PARK7: variants seen among roughly 807,000 people sequenced by gnomAD.
PARK7 encodes Parkinson disease protein 7.
PARK7 carries 14 observed loss-of-function variants against 20.5 expected under a neutral mutation model. The observed-to-expected ratio is 0.68, with a 90% CI of 0.45 to 1.07. PARK7 has a LOEUF of 1.07. PARK7 is among the 50% of genes least tolerant of loss of function. The pLI is 0.00. For missense variants in PARK7, 234 were observed against 238.1 expected (o/e 0.98, Z 0.11); for synonymous variants, 98 against 84.3 (o/e 1.16, Z -0.89).
At chr1:7,961,957 G>T (rs1044140369) in intron 1 of PARK7, 164 bp downstream of exon 1, 6 of 152,340 alleles carry the variant, frequency 3.9e-5, no homozygotes, top group African/African-American at 1.4e-4. Context: ...GGGCCCTGTC[G>T]CTGGCGTTGG....
chr1:7,982,618 T>C (rs960982483), intron 6 of PARK7, among the ~76,000 whole-genome samples: 1 of 152,228 alleles, frequency 6.6e-6, no homozygotes, highest in Non-Finnish European at 1.5e-5. Context: ...TACTGTTCAG[T>C]GAACCATTTA....
At chr1:7,975,654 T>C (rs161808) in intron 5 of PARK7, among the ~76,000 whole-genome samples, 9,069 of 152,260 alleles carry the variant, frequency 0.06, 1,406 homozygotes, top group East Asian at 0.57. Context: ...CATCAGTAAA[T>C]TCCTGAATCC....
At chr1:7,966,628 G>T (rs1052367218) in intron 3 of PARK7, among the ~76,000 whole-genome samples, 1 of 152,070 alleles carries the variant, frequency 6.6e-6, no homozygotes, top group South Asian at 2.1e-4. Flanking sequence ...AGCCTAGACG[G>T]TTGCTTGAGC....
Position 7,965,412 on chromosome 1 carries a change from A to C in PARK7, c.179A>C (p.Asp60Ala). 1 of 1,614,178 alleles carries C rather than the reference A, an allele frequency of 6.2e-7. No homozygotes were observed. The highest frequency in any genetic ancestry group is 8.5e-7 in the Non-Finnish European group (1 of 1,180,000). The change falls in exon 3 of 7, where the codon GAT (aspartate) becomes GCT (alanine). Residue 60 changes from aspartate to alanine, a missense_variant. Asp to Ala is a moderately radical substitution (Grantham distance 126, BLOSUM62 -2). Transcript: ENST00000338639. ...VVICPDASLEDAKKEGPYDVV... is the reference protein window; with the variant it reads ...VVICPDASLEAAKKEGPYDVV... Reference sequence around the variant, plus strand: ...ATTTGTCCTGATGCCAGCCTTGAAGATGCAAAAAAAGAGGTTTGTAATCCA... The same window carrying C: ...ATTTGTCCTGATGCCAGCCTTGAAGCTGCAAAAAAAGAGGTTTGTAATCCA...
At chr1:7,964,346 C>T (rs188314680) in intron 2 of PARK7, among the ~76,000 whole-genome samples, 103 of 152,256 alleles carry the variant, frequency 6.8e-4, no homozygotes, top group Non-Finnish European at 1.1e-3. Context: ...ACCCACATCA[C>T]GTAGTAAGTA....
chr1:7,963,769 C>G (rs1339153203), intron 2 of PARK7, among the ~76,000 whole-genome samples: 3 of 151,876 alleles, frequency 2.0e-5, no homozygotes, highest in African/African-American at 7.3e-5. Flanking sequence ...TTCTTCCTTC[C>G]TTAAAGATAA....
intron 6 of PARK7, among the ~76,000 whole-genome samples, chr1:7,982,221 A>T (rs1423336820): frequency 2.7e-5 from 4 of 150,640 alleles, no homozygotes; most frequent in Admixed American, 6.6e-5. Flanking sequence ...TCCTGACCTC[A>T]GGTGATCCAC....
chr1:7,965,109 G>A (rs981299852), intron 2 of PARK7, among the ~76,000 whole-genome samples: 3 of 152,142 alleles, frequency 2.0e-5, no homozygotes, highest in Non-Finnish European at 4.4e-5. Flanking sequence ...GGGTGTGGTG[G>A]CTCATGTCTG....
rs769196724 is a variant in PARK7, at chr1:7,985,320, A to T, written c.*266A>T. ...TGTTTTGTCTCTCATTTCTTTTGTG[A>T]AATTAAATTCCGTATCACCTTCATT... On this transcript the variant is annotated 3_prime_UTR_variant, in exon 7 of 7. Transcript: ENST00000338639. The T allele has an allele frequency of 4.3e-6, 2 of 469,136 alleles. No individual in the cohort carries two copies. The highest frequency in any genetic ancestry group is 7.8e-6 in the Non-Finnish European group (2 of 256,252). The allele number at this position is 469,136 out of a possible 1,614,324, so 29.1% of individuals were successfully genotyped here. A position where few individuals can be genotyped will look rare whatever the true frequency, so the allele number is the denominator to read the frequency against.
chr1:7,981,373 G>A (rs1640705724), intron 6 of PARK7, among the ~76,000 whole-genome samples: 1 of 152,218 alleles, frequency 6.6e-6, no homozygotes, highest in Middle Eastern at 3.2e-3. Context: ...AGAAAGTGAA[G>A]CTCTGAGAGG....
chr1:7,983,747 C>A (rs1409181606), intron 6 of PARK7, among the ~76,000 whole-genome samples: 1 of 152,188 alleles, frequency 6.6e-6, no homozygotes, highest in Non-Finnish European at 1.5e-5. Context: ...GAAGGGAGAG[C>A]TGTAATCATG....
rs751630261 is a variant in PARK7 at position 7,984,840 on chromosome 1, C to G, written c.410-54C>G. On this transcript the variant is annotated intron_variant, in intron 6 of 6. Coordinates refer to ENST00000338639, the MANE Select transcript of PARK7 (RefSeq NM_007262.5). The surrounding 1 kb of genome is among the most constrained non-coding windows in gnomAD (Gnocchi z 4.3). ...GTGAATTTAATTGGTAAGTAATCGT[C>G]TTTCTCGTCACATAGCCCATTAGGA... is the stretch of plus-strand genomic sequence containing the variant. 5.3e-5 allele frequency: 85 copies of G among 1,601,804 alleles called. No homozygotes were observed. Among genetic ancestry groups the G allele is most frequent in the Non-Finnish European group, 6.8e-5 (80 of 1,169,584 alleles).
intron 1 of PARK7, among the ~76,000 whole-genome samples, chr1:7,962,459 T>TA (rs1640227233): frequency 6.6e-6 from 1 of 152,168 alleles, no homozygotes; most frequent in African/African-American, 2.4e-5. Flanking sequence ...CTTGTATTTT[T>TA]AAAAAACCCA....
chr1:7,977,820 C>A, intron 6 of PARK7, 82 bp downstream of exon 6: 4 of 1,233,692 alleles, frequency 3.2e-6, no homozygotes, highest in Non-Finnish European at 3.5e-6. Context: ...AGTGCAGTGG[C>A]GTGATCTTGG....
intron 4 of PARK7, 40 bp downstream of exon 4, chr1:7,969,444 G>T (rs756391911): frequency 4.7e-6 from 5 of 1,073,790 alleles, no homozygotes; most frequent in South Asian, 3.9e-5. Flanking sequence ...TAAAGCTGGG[G>T]GGGGGGAAAA....
chr1:7,974,501 T>C (rs1219747662), intron 5 of PARK7, among the ~76,000 whole-genome samples: 18 of 151,150 alleles, frequency 1.2e-4, no homozygotes, highest in South Asian at 1.1e-3. Flanking sequence ...TGGTGGCGGG[T>C]GCCTGTAGTC....
chr1:7,965,282 T>C, intron 2 of PARK7, 42 bp from the exon 3 acceptor site: 1 of 1,542,042 alleles, frequency 6.5e-7, no homozygotes, highest in Non-Finnish European at 9.0e-7. Context: ...ACTCTGAATT[T>C]ATGTTTCAGT....
intron 6 of PARK7, among the ~76,000 whole-genome samples, chr1:7,979,899 G>A (rs1408599583): frequency 6.6e-6 from 1 of 152,216 alleles, no homozygotes; most frequent in South Asian, 2.1e-4. Context: ...ACTCACGCCT[G>A]TAATCCCAGC....
chr1:7,984,164 C>G lies in PARK7; in HGVS notation c.410-730C>G, dbSNP rs552175340. ...GAGCTCTTCCTGGAGCAGGAGAGAA[C>G]GTGTTGTATACAGTAAGGGAAGCTC... On this transcript the variant is annotated intron_variant, in intron 6 of 6. Coordinates refer to ENST00000338639, the MANE Select transcript of PARK7 (RefSeq NM_007262.5). The surrounding 1 kb of genome is among the most constrained non-coding windows in gnomAD (Gnocchi z 4.3). 1.3e-5 allele frequency among the ~76,000 whole-genome samples: 2 copies of G among 151,982 alleles called. No individual in the cohort carries two copies. The highest frequency in any genetic ancestry group is 4.2e-4 in the South Asian group (2 of 4,816).
Sources: gnomAD v4.1 joint callset for allele counts (sites outside exome capture counted in the v4.1 genomes callset) on GRCh38, gnomAD v4.1.1 for gene constraint, Gnocchi (gnomAD v3.1) non-coding constraint, MANE v1.5 for transcripts, NCBI Gene and HGNC (gene_info 2026-07-23, HGNC 2026-07-21) for gene names.